DEFB104A: variants seen among roughly 807,000 people sequenced by gnomAD.
DEFB104A encodes the protein defensin beta 104A, also known as beta-defensin 104.
rs1389973033 is a variant in DEFB104A, at chr8:7,837,566, G to A, written c.58+1024G>A. 2.1e-5 allele frequency among the ~76,000 whole-genome samples: 3 copies of A among 140,296 alleles called. 1 individual carries two copies. In the East Asian group the frequency reaches 7.0e-4, roughly 33 times the overall value. The allele number at this position is 140,296 out of a possible 152,430, so 92.0% of individuals were successfully genotyped here. The stretch of plus-strand genomic sequence containing the variant: ...TTCTGTGAAATTCTGCTATGGGCAT[G>A]TTCCAGGTCTGTTAAAATATGATAG... On this transcript the variant is annotated intron_variant, in intron 1 of 1. Transcript: ENST00000314265.
intron 1 of DEFB104A, among the ~76,000 whole-genome samples, chr8:7,836,767 G>A (rs1817658379): frequency 6.9e-6 from 1 of 145,252 alleles, no homozygotes; most frequent in African/African-American, 2.6e-5. Flanking sequence ...GAGGAAAAAA[G>A]AAACGTAGGG....
chr8:7,836,914 G>C (rs547881850), intron 1 of DEFB104A, among the ~76,000 whole-genome samples: 1 of 142,446 alleles, frequency 7.0e-6, no homozygotes, highest in African/African-American at 2.6e-5. Flanking sequence ...TGATTTTGTA[G>C]AATAAGATGC....
intron 1 of DEFB104A, among the ~76,000 whole-genome samples, chr8:7,837,204 A>G (rs1230800929): frequency 7.2e-6 from 1 of 139,688 alleles, no homozygotes; most frequent in Non-Finnish European, 1.5e-5. Context: ...TTTGCAATGG[A>G]TATGAGAGAG....
intron 1 of DEFB104A, among the ~76,000 whole-genome samples, chr8:7,838,305 C>T (rs1817686773): frequency 7.0e-6 from 1 of 142,398 alleles, no homozygotes; most frequent in Admixed American, 7.1e-5. Flanking sequence ...GCCTGGAAGG[C>T]CACCTGCCAC....
intron 1 of DEFB104A, among the ~76,000 whole-genome samples, chr8:7,838,665 G>C (rs1260704465): frequency 7.0e-6 from 1 of 143,834 alleles, no homozygotes; most frequent in African/African-American, 2.5e-5. Context: ...AGGCGACAGA[G>C]CAAGACTCTG....
intron 1 of DEFB104A, among the ~76,000 whole-genome samples, chr8:7,837,345 G>A (rs1293111803): frequency 1.4e-5 from 2 of 139,346 alleles, no homozygotes; most frequent in Non-Finnish European, 3.1e-5. Context: ...TTGACTCGTA[G>A]AAGCCATCGG....
chr8:7,839,506 G>A lies in DEFB104A; in HGVS notation c.59-1528G>A, dbSNP rs1246284753. On this transcript the variant is annotated intron_variant, in intron 1 of 1. Transcript: ENST00000314265. ...GTCTTTCCTCATCACCCGCTGTGGG[G>A]CCATTGCAAATATTAACCCCTACAA... 6.3e-5 allele frequency among the ~76,000 whole-genome samples: 5 copies of A among 79,256 alleles called. No individual in the cohort carries two copies. In the Admixed American group the frequency reaches 8.2e-4, roughly 13 times the overall value. The allele number at this position is 79,256 out of a possible 152,430, so 52.0% of individuals were successfully genotyped here.
chr8:7,839,399 T>G (rs1204485150), intron 1 of DEFB104A, among the ~76,000 whole-genome samples: 3 of 144,608 alleles, frequency 2.1e-5, no homozygotes, highest in African/African-American at 7.4e-5. Flanking sequence ...TGATACACAC[T>G]GCAGCCCACC....
chr8:7,837,588 A>T lies in DEFB104A; in HGVS notation c.58+1046A>T, dbSNP rs1302093048. ...CATGTTCCAGGTCTGTTAAAATATGATAGCAATTTATCAAAGAACAGGTTT... is the reference window on the plus strand; with the variant it reads ...CATGTTCCAGGTCTGTTAAAATATGTTAGCAATTTATCAAAGAACAGGTTT... On this transcript the variant is annotated intron_variant, in intron 1 of 1. Coordinates refer to ENST00000314265, the MANE Select transcript of DEFB104A (RefSeq NM_080389.3). 3.6e-5 allele frequency among the ~76,000 whole-genome samples: 5 copies of T among 140,084 alleles called. 1 individual carries two copies. Among genetic ancestry groups the T allele is most frequent in the Middle Eastern group, 8.3e-3 (2 of 240 alleles). 91.9% of individuals were successfully genotyped at this position (140,084 alleles called of 152,430 possible). A position where few individuals can be genotyped will look rare whatever the true frequency, so the allele number is the denominator to read the frequency against.
At chr8:7,837,335 T>C (rs1817669819) in intron 1 of DEFB104A, among the ~76,000 whole-genome samples, 1 of 138,860 alleles carries the variant, frequency 7.2e-6, no homozygotes, top group African/African-American at 2.7e-5. Context: ...ACCAATTGTT[T>C]TGACTCGTAG....
chr8:7,838,601 A>G (rs1295609338), intron 1 of DEFB104A, among the ~76,000 whole-genome samples: 3 of 144,974 alleles, frequency 2.1e-5, no homozygotes, highest in Non-Finnish European at 3.1e-5. Context: ...AATCGCTTGA[A>G]CCCAAGAGGT....
chr8:7,839,308 A>C (rs1817711786), intron 1 of DEFB104A, among the ~76,000 whole-genome samples: 4 of 143,030 alleles, frequency 2.8e-5, no homozygotes, highest in Non-Finnish European at 3.1e-5. Context: ...TCCTCCTCTA[A>C]CTCCAGGTTG....
rs373188159 is a variant in DEFB104A, at chr8:7,837,353, C to T, written c.58+811C>T. ...AATTGTTTTGACTCGTAGAAGCCAT[C>T]GGATCTTCTCTTCCAAGCTGCTCAG... On this transcript the variant is annotated intron_variant, in intron 1 of 1. Transcript: ENST00000314265. Among the ~76,000 whole-genome samples the T allele has an allele frequency of 4.6e-4, 65 of 139,920 alleles. 3 individuals are homozygous for T. In the East Asian group the frequency reaches 0.012, roughly 25 times the overall value. The allele number at this position is 139,920 out of a possible 152,430, so 91.8% of individuals were successfully genotyped here.
chr8:7,838,679 C>CA (rs200660442), intron 1 of DEFB104A, among the ~76,000 whole-genome samples: 13 of 84,138 alleles, frequency 1.5e-4, no homozygotes, highest in South Asian at 8.0e-4. Context: ...GACTCTGTCT[C>CA]AAAAAAAACC....
chr8:7,837,800 A>G (rs1403290895), intron 1 of DEFB104A, among the ~76,000 whole-genome samples: 1 of 136,620 alleles, frequency 7.3e-6, no homozygotes, highest in African/African-American at 3.0e-5. Context: ...AGGATTAGGG[A>G]GGGAAGTGGC....
chr8:7,836,805 C>A (rs1817659288), intron 1 of DEFB104A, among the ~76,000 whole-genome samples: 1 of 143,364 alleles, frequency 7.0e-6, no homozygotes, highest in Non-Finnish European at 1.5e-5. Flanking sequence ...TCCTTGGCAC[C>A]CTGGCCACAC....
intron 1 of DEFB104A, among the ~76,000 whole-genome samples, chr8:7,838,789 A>G (rs1163770564): frequency 7.1e-6 from 1 of 141,412 alleles, no homozygotes; most frequent in African/African-American, 2.5e-5. Context: ...CTGTATCACA[A>G]CCACCTTGGG....
chr8:7,836,760 G>GA (rs1817658238), intron 1 of DEFB104A, among the ~76,000 whole-genome samples: 1 of 145,510 alleles, frequency 6.9e-6, no homozygotes, highest in Non-Finnish European at 1.5e-5. Flanking sequence ...GCTCAAGGAG[G>GA]AAAAAAGAAA....
chr8:7,839,985 TG>T (rs1386767678), intron 1 of DEFB104A, among the ~76,000 whole-genome samples: 2 of 152,092 alleles, frequency 1.3e-5, no homozygotes, highest in African/African-American at 4.8e-5. Context: ...CAGTGTGGCA[TG>T]TGAGATAATG....
Sources: gnomAD v4.1 joint callset for allele counts (sites outside exome capture counted in the v4.1 genomes callset) on GRCh38, gnomAD v4.1.1 for gene constraint, MANE v1.5 for transcripts, NCBI Gene and HGNC (gene_info 2026-07-23, HGNC 2026-07-21) for gene names.